PLA2G4A: variants seen among roughly 807,000 people sequenced by gnomAD.
The protein encoded by PLA2G4A is phospholipase A2 group IVA.
Under a neutral mutation model 81.9 loss-of-function variants are expected in PLA2G4A, and 40 were observed. That is an observed-to-expected ratio of 0.49 (90% confidence interval 0.38 to 0.64). The LOEUF (loss-of-function observed/expected upper bound fraction) is 0.64. PLA2G4A is among the 30% of genes least tolerant of loss of function. The probability of loss-of-function intolerance (pLI) is 0.00; values close to 1 mark genes in which losing one functional copy is unlikely to be tolerated. For missense variants in PLA2G4A, 715 were observed against 905.1 expected (o/e 0.79, Z 2.69); for synonymous variants, 302 against 296.9 (o/e 1.02, Z -0.18).
chr1:186,829,509 T>G (rs1558337358), intron 1 of PLA2G4A, among the ~76,000 whole-genome samples: 1 of 152,208 alleles, frequency 6.6e-6, no homozygotes, highest in Non-Finnish European at 1.5e-5. Context: ...TATGGGACGC[T>G]TTCCTGGCTA....
At chr1:186,935,414 T>TA (rs1053636649) in intron 8 of PLA2G4A, among the ~76,000 whole-genome samples, 4 of 151,368 alleles carry the variant, frequency 2.6e-5, no homozygotes, top group African/African-American at 9.7e-5. Context: ...TTTTATTTTT[T>TA]TTTTTTTCAG....
intron 3 of PLA2G4A, among the ~76,000 whole-genome samples, chr1:186,878,921 A>G (rs1653623218): frequency 6.6e-6 from 1 of 151,930 alleles, no homozygotes; most frequent in Non-Finnish European, 1.5e-5. Context: ...AAGGACAAGT[A>G]TGTTCTTAAA....
intron 13 of PLA2G4A, 151 bp downstream of exon 13, chr1:186,950,879 A>C: frequency 1.5e-6 from 1 of 666,724 alleles, no homozygotes; most frequent in South Asian, 1.6e-5. Context: ...AGAGGATTGC[A>C]TGTTGCATGT....
rs116576219 is a variant in PLA2G4A at position 186,860,853 on chromosome 1, T to C, written c.33+6466T>C. Among the ~76,000 whole-genome samples the C allele has an allele frequency of 1.9e-3, 292 of 152,330 alleles. 2 individuals carry two copies. The highest frequency in any genetic ancestry group is 6.8e-3 in the African/African-American group (284 of 41,582). ...CGTTCTCAAATTTCTTTTTGGTTCT[T>C]TTTAAAATCTTCTCAGCCATTTTTT... On this transcript the variant is annotated intron_variant, in intron 2 of 17. Transcript: ENST00000367466.
chr1:186,964,313 G>A (rs1266051147), intron 14 of PLA2G4A, among the ~76,000 whole-genome samples: 1 of 151,780 alleles, frequency 6.6e-6, no homozygotes, highest in Non-Finnish European at 1.5e-5. Flanking sequence ...CCTGGCAAGT[G>A]AATTAGGAGC....
intron 10 of PLA2G4A, among the ~76,000 whole-genome samples, chr1:186,945,631 GTAAGCTA>G (rs1213714539): frequency 6.6e-6 from 1 of 152,072 alleles, no homozygotes; most frequent in Non-Finnish European, 1.5e-5. Flanking sequence ...TTTTTCCTGT[GTAAGCTA>G]TAAGGGAAAA....
rs1652482950 is a variant in PLA2G4A at position 186,854,464 on chromosome 1, G to A, written c.33+77G>A. 8.6e-6 allele frequency: 8 copies of A among 932,572 alleles called. No individual in the cohort carries two copies. The East Asian group carries it at 1.9e-4, about 22-fold the overall frequency. The allele number at this position is 932,572 out of a possible 1,614,324, so 57.8% of individuals were successfully genotyped here. ...TCTGTGAATATTGCGGGTGTTGCTA[G>A]TAAAGTCAAACTGTGACAACTTCTG... On this transcript the variant is annotated intron_variant, in intron 2 of 17. Coordinates refer to ENST00000367466, the MANE Select transcript of PLA2G4A (RefSeq NM_024420.3).
At chr1:186,946,308 C>G (rs763464753) in intron 10 of PLA2G4A, among the ~76,000 whole-genome samples, 3 of 152,056 alleles carry the variant, frequency 2.0e-5, no homozygotes, top group African/African-American at 4.8e-5. Flanking sequence ...AAATTTATAT[C>G]TAGTTAGCAG....
chr1:186,940,685 C>T (rs1656119985), intron 10 of PLA2G4A, among the ~76,000 whole-genome samples: 1 of 152,120 alleles, frequency 6.6e-6, no homozygotes, highest in Non-Finnish European at 1.5e-5. Flanking sequence ...GGAATAATTA[C>T]AAGGAACAAA....
At chr1:186,854,097 CA>C (rs796943378) in intron 1 of PLA2G4A, among the ~76,000 whole-genome samples, 188 bp from the exon 2 acceptor site, 21 of 151,948 alleles carry the variant, frequency 1.4e-4, no homozygotes, top group African/African-American at 4.8e-4. Context: ...GGAAAATAAA[CA>C]GTATCATCCA....
intron 3 of PLA2G4A, among the ~76,000 whole-genome samples, chr1:186,877,236 T>C (rs752763144): frequency 5.3e-5 from 8 of 152,060 alleles, no homozygotes; most frequent in Non-Finnish European, 7.4e-5. Flanking sequence ...ACTTCTCCTG[T>C]CTCTGCCTTC....
chr1:186,935,421 T>TC (rs1655911093), intron 8 of PLA2G4A, among the ~76,000 whole-genome samples: 1 of 137,420 alleles, frequency 7.3e-6, no homozygotes, highest in African/African-American at 2.6e-5. Flanking sequence ...TTTTTTTTTT[T>TC]CAGAATTTAA....
chr1:186,911,210 G>T, intron 6 of PLA2G4A, 38 bp from the exon 7 acceptor site: 1 of 1,599,780 alleles, frequency 6.3e-7, no homozygotes, highest in African/African-American at 1.3e-5. Context: ...AGACCACTGG[G>T]AGCACTGGCT....
chr1:186,868,922 C>CT (rs779852874), intron 2 of PLA2G4A, among the ~76,000 whole-genome samples: 2,170 of 140,566 alleles, frequency 0.015, 24 homozygotes, highest in Non-Finnish European at 0.022. Flanking sequence ...CTCTCTCATC[C>CT]TTTTTTTTTT....
At chr1:186,957,204 A>G (rs1006680542) in intron 14 of PLA2G4A, among the ~76,000 whole-genome samples, 1 of 152,196 alleles carries the variant, frequency 6.6e-6, no homozygotes, top group Non-Finnish European at 1.5e-5. Flanking sequence ...TCTTCTCTGT[A>G]CTGGTCACAG....
chr1:186,934,938 T>G (rs1259862992), intron 8 of PLA2G4A, among the ~76,000 whole-genome samples: 3 of 151,996 alleles, frequency 2.0e-5, no homozygotes, highest in Non-Finnish European at 4.4e-5. Context: ...TATCCATATG[T>G]CCTCCGTAGG....
rs545132211 is a variant in PLA2G4A, at chr1:186,915,594, G to A, written c.558+4205G>A. On this transcript the variant is annotated intron_variant, in intron 7 of 17. Transcript: ENST00000367466. The stretch of plus-strand genomic sequence containing the variant: ...TTTATGGGCAGTAGGAAGAAAGATG[G>A]TTTAATAGTTTCAATAACACAACTA... Among the ~76,000 whole-genome samples the A allele has an allele frequency of 1.0e-3, 157 of 152,276 alleles. 1 individual carries two copies. Among genetic ancestry groups the A allele is most frequent in the African/African-American group, 3.5e-3 (144 of 41,540 alleles).
intron 1 of PLA2G4A, among the ~76,000 whole-genome samples, chr1:186,830,650 G>GTTTTGCAT (rs1651520892): frequency 6.9e-6 from 1 of 144,328 alleles, no homozygotes; most frequent in Non-Finnish European, 1.5e-5. Context: ...ATTCTGAAGT[G>GTTTTGCAT]TTTTGCATTT....
intron 10 of PLA2G4A, among the ~76,000 whole-genome samples, chr1:186,945,403 AGAT>A (rs1379455783): frequency 8.5e-5 from 13 of 152,166 alleles, no homozygotes; most frequent in Admixed American, 7.2e-4. Flanking sequence ...GGAAGCTTTC[AGAT>A]GACACTGGTG....
Sources: gnomAD v4.1 joint callset for allele counts (sites outside exome capture counted in the v4.1 genomes callset) on GRCh38, gnomAD v4.1.1 for gene constraint, MANE v1.5 for transcripts, NCBI Gene and HGNC (gene_info 2026-07-23, HGNC 2026-07-21) for gene names.